The following FAM169A variants were observed in gnomAD, a reference collection of about 807,000 sequenced individuals.
FAM169A encodes the protein soluble lamin-associated protein of 75 kDa.
A neutral mutation model predicts 75.7 loss-of-function variants in FAM169A; 24 were observed. The ratio of observed to expected loss-of-function variants is 0.32; its 90% CI spans 0.23 to 0.45. The LOEUF (loss-of-function observed/expected upper bound fraction) is 0.45. Ranked by LOEUF, FAM169A falls within the 20% of genes least tolerant of loss-of-function variation. The pLI is 1.00. For missense variants in FAM169A, 673 were observed against 784.0 expected (o/e 0.86, Z 1.69); for synonymous variants, 271 against 271.0 (o/e 1.00, Z 0.00).
rs1561328873 is a variant in FAM169A, at chr5:74,857,571, G to GAAAAAAAAAAAA, written c.-4+8593_-4+8594insTTTTTTTTTTTT. 1.5e-4 allele frequency among the ~76,000 whole-genome samples: 10 copies of GAAAAAAAAAAAA among 65,722 alleles called. 1 individual carries two copies. The highest frequency in any genetic ancestry group is 5.0e-4 in the African/African-American group (8 of 15,878). 43.1% of individuals were successfully genotyped at this position (65,722 alleles called of 152,430 possible). A position where few individuals can be genotyped will look rare whatever the true frequency, so the allele number is the denominator to read the frequency against. On this transcript the variant is annotated intron_variant, in intron 1 of 12. Coordinates refer to ENST00000687041, the MANE Select transcript of FAM169A (RefSeq NM_001376049.1). ...GGTGACAGAGCCAGACCTTGCCGCG[G>GAAAAAAAAAAAA]GAAAAAAAAAAAAAAAAAAAAAAAA...
intron 10 of FAM169A, chr5:74,799,920 G>A: frequency 1.1e-6 from 1 of 875,182 alleles, no homozygotes; most frequent in South Asian, 1.3e-5. Context: ...GGACAAGAGG[G>A]CCACGACTGA....
intron 11 of FAM169A, among the ~76,000 whole-genome samples, chr5:74,785,660 G>T (rs1745659385): frequency 6.6e-6 from 1 of 152,160 alleles, no homozygotes; most frequent in African/African-American, 2.4e-5. Context: ...TACTTGGGAG[G>T]CTAAAGCATG....
intron 1 of FAM169A, among the ~76,000 whole-genome samples, chr5:74,855,619 T>G (rs111920986): frequency 1.3e-5 from 2 of 152,234 alleles, no homozygotes; most frequent in African/African-American, 4.8e-5. Flanking sequence ...TGGCTCATTT[T>G]TTAATCAGAT....
chr5:74,780,123 T>G lies in FAM169A; in HGVS notation c.*1337A>C, dbSNP rs879762262. ...ATTACAAAAAATAACAGTTCAGTGT[T>G]TTTTTTCTTCAAATTTTCCTAGGCC... On this transcript the variant is annotated 3_prime_UTR_variant, in exon 13 of 13. Coordinates refer to ENST00000687041, the MANE Select transcript of FAM169A (RefSeq NM_001376049.1). 3.3e-5 allele frequency: 5 copies of G among 152,200 alleles called. No individual in the cohort carries two copies. Among genetic ancestry groups the G allele is most frequent in the South Asian group, 2.1e-4 (1 of 4,828 alleles). 9.4% of individuals were successfully genotyped at this position (152,200 alleles called of 1,614,324 possible).
At chr5:74,790,473 G>A (rs1327954901) in intron 11 of FAM169A, among the ~76,000 whole-genome samples, 1 of 152,218 alleles carries the variant, frequency 6.6e-6, no homozygotes, top group Non-Finnish European at 1.5e-5. Flanking sequence ...TGGAAAACTG[G>A]TGACAAATTT....
At chr5:74,832,166 A>C (rs1748345193) in intron 5 of FAM169A, among the ~76,000 whole-genome samples, 1 of 152,080 alleles carries the variant, frequency 6.6e-6, no homozygotes, top group South Asian at 2.1e-4. Context: ...AAAATATAAA[A>C]CATCATATAA....
chr5:74,864,792 C>T (rs1750227109), intron 1 of FAM169A, among the ~76,000 whole-genome samples: 1 of 152,158 alleles, frequency 6.6e-6, no homozygotes, highest in South Asian at 2.1e-4. Context: ...TCTTTGTTTG[C>T]GCTTCAAGTG....
chr5:74,819,587 A>T (rs1265703394), intron 5 of FAM169A, among the ~76,000 whole-genome samples: 1 of 152,206 alleles, frequency 6.6e-6, no homozygotes, highest in East Asian at 1.9e-4. Flanking sequence ...TCCAAACAAC[A>T]ACTTGTATAC....
At chr5:74,841,950 A>T (rs1228957743) in intron 1 of FAM169A, among the ~76,000 whole-genome samples, 6 of 152,172 alleles carry the variant, frequency 3.9e-5, no homozygotes, top group African/African-American at 1.4e-4. Flanking sequence ...ACATAGGCAT[A>T]AGACATATTT....
chr5:74,841,485 T>G (rs1414575645), intron 2 of FAM169A, 60 bp downstream of exon 2: 1 of 1,299,420 alleles, frequency 7.7e-7, no homozygotes, highest in Non-Finnish European at 1.0e-6. Context: ...AAAAAGGATA[T>G]TTATTTCATG....
chr5:74,784,918 CA>C (rs869156232), intron 11 of FAM169A, among the ~76,000 whole-genome samples: 1,216 of 61,820 alleles, frequency 0.02, 12 homozygotes, highest in African/African-American at 0.045. Context: ...GACTCCGTCT[CA>C]AAAAAAAAAA....
At chr5:74,857,108 C>CAAAAA (rs772315121) in intron 1 of FAM169A, among the ~76,000 whole-genome samples, 2 of 67,898 alleles carry the variant, frequency 2.9e-5, no homozygotes, top group African/African-American at 5.6e-5. Context: ...GACTCCACCT[C>CAAAAA]AAAAAAAAAA....
Position 74,801,641 on chromosome 5 carries a change from A to G in FAM169A, c.913-12T>C. The G allele has an allele frequency of 6.2e-7, 1 of 1,606,328 alleles. No homozygotes were observed. Among genetic ancestry groups the G allele is most frequent in the Non-Finnish European group, 8.5e-7 (1 of 1,175,788 alleles). ...TTTAGAGAATCAATCTAAAAAAGAG[A>G]GAGATTCAAACCCAAAGTTTTAGAC... On this transcript the variant is annotated splice_polypyrimidine_tract_variant and intron_variant, in intron 8 of 12. Transcript: ENST00000687041.
At chr5:74,819,417 T>C (rs768733571) in intron 5 of FAM169A, among the ~76,000 whole-genome samples, 1 of 152,118 alleles carries the variant, frequency 6.6e-6, no homozygotes, top group Non-Finnish European at 1.5e-5. Context: ...TTGGCTAAGA[T>C]GTGGAGAAAC....
chr5:74,858,694 G>A (rs974684733), intron 1 of FAM169A, among the ~76,000 whole-genome samples: 2 of 151,978 alleles, frequency 1.3e-5, no homozygotes, highest in Non-Finnish European at 2.9e-5. Flanking sequence ...CACGCAATTC[G>A]CCCATTTAAC....
chr5:74,849,872 T>C (rs1194553418), intron 1 of FAM169A, among the ~76,000 whole-genome samples: 2 of 152,208 alleles, frequency 1.3e-5, no homozygotes, highest in Non-Finnish European at 2.9e-5. Context: ...AAATCTCAGA[T>C]GGGCCTCAAC....
At chr5:74,849,075 A>G (rs573647059) in intron 1 of FAM169A, among the ~76,000 whole-genome samples, 1 of 152,322 alleles carries the variant, frequency 6.6e-6, no homozygotes, top group African/African-American at 2.4e-5. Flanking sequence ...CGAAGTGTAA[A>G]AAGTGTCCAA....
chr5:74,849,835 A>G (rs1400619207), intron 1 of FAM169A, among the ~76,000 whole-genome samples: 2 of 152,224 alleles, frequency 1.3e-5, no homozygotes, highest in Admixed American at 1.3e-4. Flanking sequence ...GTTTTTGAAT[A>G]TGACAAAATA....
Position 74,813,852 on chromosome 5 carries a change from G to C in FAM169A, c.658C>G (p.Leu220Val), listed in dbSNP as rs746343462. 4 of 1,578,984 alleles carry C rather than the reference G, an allele frequency of 2.5e-6. No individual in the cohort carries two copies. The Admixed American group carries it at 6.0e-5, about 24-fold the overall frequency. Residue 220 changes from leucine (L) to valine (V), a missense_variant, in exon 6 of 13, where the codon CTC (leucine) becomes GTC (valine). By Grantham distance (32) the Leu-to-Val change is conservative (BLOSUM62 1). Transcript: ENST00000687041. ...ALGLRYPLSS[L>V]MYTACKQYFE... is the part of the protein sequence containing the mutation. ...TTAGTCCATTTACCTGTATACATGA[G>C]AGAAGACAGTGGATACCGCAAGCCA...
Sources: gnomAD v4.1 joint callset for allele counts (sites outside exome capture counted in the v4.1 genomes callset) on GRCh38, gnomAD v4.1.1 for gene constraint, MANE v1.5 for transcripts, NCBI Gene and HGNC (gene_info 2026-07-23, HGNC 2026-07-21) for gene names.